Variants in SLC25A41 observed in about 807,000 individuals in gnomAD.
SLC25A41 encodes the protein mitochondrial carrier protein SCaMC-3L.
A neutral mutation model predicts 34.7 loss-of-function variants in SLC25A41; 35 were observed. That is an observed-to-expected ratio of 1.01 (90% CI 0.77 to 1.34). The LOEUF is 1.34. SLC25A41 is among the 40% of genes most tolerant of loss of function. The pLI, the probability that SLC25A41 is intolerant of heterozygous loss-of-function variation, is 0.00. For missense variants in SLC25A41, 492 were observed against 489.8 expected, an observed-to-expected ratio of 1.00 and a Z score of -0.04; for synonymous variants, 190 against 209.9, an observed-to-expected ratio of 0.91 and a Z score of 0.82.
In SLC25A41 at chr19:6,427,526, G is replaced by GA; in HGVS notation, c.625-26_625-25insT. On this transcript the variant is annotated intron_variant, in intron 4 of 6. Transcript: ENST00000321510. This position sits in a 1 kb window ranked among gnomAD's most constrained non-coding sequence, Gnocchi z 4.9. ...CCTGAGGATGGCGGGGAACAAGGCA[G>GA]CTCATTTGATTGAATCCTGTCAATG... 2 of 1,476,776 alleles carry GA rather than the reference G, an allele frequency of 1.4e-6. No homozygotes were observed. The highest frequency in any genetic ancestry group is 2.7e-5 in the South Asian group (2 of 73,104). 91.5% of individuals were successfully genotyped at this position (1,476,776 alleles called of 1,614,324 possible). A position where few individuals can be genotyped will look rare whatever the true frequency, so the allele number is the denominator to read the frequency against.
intron 4 of SLC25A41, among the ~76,000 whole-genome samples, chr19:6,428,458 G>A (rs1293979658): frequency 6.8e-6 from 1 of 146,608 alleles, no homozygotes; most frequent in Non-Finnish European, 1.5e-5. Flanking sequence ...CCACAGATGA[G>A]AAATGAAAAT....
rs369272526 is a variant in SLC25A41 at position 6,433,496 on chromosome 19, C to T, written c.198G>A (p.Pro66=). The T allele has an allele frequency of 7.2e-5, 115 of 1,606,894 alleles. No individual in the cohort carries two copies. Among genetic ancestry groups the T allele is most frequent in the South Asian group, 5.2e-4 (47 of 90,924 alleles). The part of the protein sequence containing the change: ...HMHDNNLEHL[P]SQQVLDTGEQ... ...TGTTTCCTAAACTCACCTGCTGTGACGGGAGATGTTCAAGGTTGTTGTCAT... is the reference window on the plus strand; with the variant it reads ...TGTTTCCTAAACTCACCTGCTGTGATGGGAGATGTTCAAGGTTGTTGTCAT... The change falls in exon 1 of 7, where the codon CCG becomes CCA. Residue 66 remains proline (P), a synonymous_variant. Transcript: ENST00000321510.
Position 6,426,218 on chromosome 19 carries a change from C to A in SLC25A41, c.*171G>T. 1 of 629,518 alleles carries A rather than the reference C, an allele frequency of 1.6e-6. No individual in the cohort carries two copies. The highest frequency in any genetic ancestry group is 1.9e-5 in the African/African-American group (1 of 53,826). The allele number at this position is 629,518 out of a possible 1,614,324, so 39.0% of individuals were successfully genotyped here. On this transcript the variant is annotated 3_prime_UTR_variant, in exon 7 of 7. Coordinates refer to ENST00000321510, the MANE Select transcript of SLC25A41 (RefSeq NM_173637.4). ...TGCCCCCCTCCACCCACCACCAACC[C>A]CAGCTTCAGGAATCTTCTGACCCAG...
In SLC25A41 at chr19:6,426,298, G is replaced by A; in HGVS notation, c.*91C>T. ...GCCACCAAAAACTGCCCCAGGGCCT[G>A]AACCTTGAGGCCTCGAGGGCTCTTT... On this transcript the variant is annotated 3_prime_UTR_variant, in exon 7 of 7. Transcript: ENST00000321510. 8.6e-7 allele frequency: 1 copy of A among 1,161,970 alleles called. No homozygotes were observed. The highest frequency in any genetic ancestry group is 1.1e-6 in the Non-Finnish European group (1 of 877,348). The allele number at this position is 1,161,970 out of a possible 1,614,324, so 72.0% of individuals were successfully genotyped here. A position where few individuals can be genotyped will look rare whatever the true frequency, so the allele number is the denominator to read the frequency against.
At chr19:6,431,544 A>G (rs2092285570) in intron 2 of SLC25A41, among the ~76,000 whole-genome samples, 1 of 151,784 alleles carries the variant, frequency 6.6e-6, no homozygotes, top group Admixed American at 6.6e-5. Context: ...GGTTCAAGCA[A>G]TTCTCCTGCC....
At chr19:6,430,431 T>G (rs1259636544) in intron 2 of SLC25A41, 1 of 544,074 alleles carries the variant, frequency 1.8e-6, no homozygotes, top group Non-Finnish European at 3.3e-6. Context: ...CTTCCATCCT[T>G]TCCTTTCTTT....
At chr19:6,428,737 G>A (rs528151747) in intron 4 of SLC25A41, among the ~76,000 whole-genome samples, 2 of 142,280 alleles carry the variant, frequency 1.4e-5, no homozygotes, top group South Asian at 2.2e-4. Context: ...TTTGAGACAG[G>A]GTCTCCCTCT....
At chr19:6,432,331 G>A (rs1454622039) in intron 1 of SLC25A41, 127 bp from the exon 2 acceptor site, 13 of 985,480 alleles carry the variant, frequency 1.3e-5, no homozygotes, top group Middle Eastern at 2.5e-4. Context: ...TTTTTTTTTC[G>A]AGACGGAGTC....
Position 6,432,175 on chromosome 19 carries a change from G to A in SLC25A41, c.237C>T (p.Val79=), listed in dbSNP as rs1423048282. The A allele has an allele frequency of 6.2e-7, 1 of 1,613,814 alleles. No homozygotes were observed. The highest frequency in any genetic ancestry group is 1.7e-5 in the Admixed American group (1 of 59,988). The stretch of plus-strand genomic sequence containing the variant: ...TATCCACTTCCAGGACTTCCACGGG[G>A]ACCATCAGCTGCTCTCCTGTGTCCA... The part of the protein sequence containing the change: ...QVLDTGEQLM[V]PVEVLEVDNK... Residue 79 remains valine, a synonymous_variant, in exon 2 of 7, where the codon GTC becomes GTT. Coordinates refer to ENST00000321510, the MANE Select transcript of SLC25A41 (RefSeq NM_173637.4).
chr19:6,435,649 G>C (rs557660378), upstream of SLC25A41, among the ~76,000 whole-genome samples: 1 of 152,270 alleles, frequency 6.6e-6, no homozygotes, highest in African/African-American at 2.4e-5. Flanking sequence ...TTGAGTCCAG[G>C]AGTTCAAGAC....
Position 6,427,338 on chromosome 19 carries a change from T to C in SLC25A41, c.788A>G (p.Tyr263Cys). Reference protein sequence around the residue: ...IPYACTDLAVYEMLQCFWVKS... With the variant: ...IPYACTDLAVCEMLQCFWVKS... ...CCCCCTCTGCAGGACCCATACCTCA[T>C]AGACAGCCAGGTCGGTGCAGGCATA... The change falls in exon 5 of 7, where the codon TAT becomes TGT. Residue 263 changes from tyrosine (Y) to cysteine (C), a missense_variant. Physicochemically the swap from Tyr to Cys is radical, Grantham distance 194 (BLOSUM62 -2). Transcript: ENST00000321510. This position sits in a 1 kb window ranked among gnomAD's most constrained non-coding sequence, Gnocchi z 4.9. The C allele has an allele frequency of 6.2e-7, 1 of 1,606,150 alleles. No individual in the cohort carries two copies. The highest frequency in any genetic ancestry group is 1.1e-5 in the South Asian group (1 of 90,596).
chr19:6,433,198 A>AC (rs1398069635), intron 1 of SLC25A41, among the ~76,000 whole-genome samples: 1 of 151,770 alleles, frequency 6.6e-6, no homozygotes, highest in Non-Finnish European at 1.5e-5. Flanking sequence ...ACAGGCGCCA[A>AC]CCACCATGCC....
chr19:6,429,410 G>GTGA (rs2092271524), intron 4 of SLC25A41, among the ~76,000 whole-genome samples: 1 of 46,138 alleles, frequency 2.2e-5, no homozygotes. Flanking sequence ...GAGAAAGGAA[G>GTGA]AGGGGAGGAG....
At chr19:6,430,483 C>T in intron 2 of SLC25A41, 1 of 480,868 alleles carries the variant, frequency 2.1e-6, no homozygotes, top group Non-Finnish European at 3.8e-6. Context: ...CTCCGTTCCT[C>T]CCTTCCTTCT....
At position 6,426,459 on chromosome 19, in the gene SLC25A41, A is replaced by T. The variant is rs756163354; in HGVS notation, c.1043T>A (p.Leu348Gln). Residue 348 changes from leucine (L) to glutamine (Q), a missense_variant, in exon 7 of 7, where the codon CTG becomes CAG. Coordinates refer to ENST00000321510, the MANE Select transcript of SLC25A41 (RefSeq NM_173637.4). ...GATGCCACCTGCTGGTAAGACCTTCAGTAGCGTGGGGGTCATGCCTCGGTA... is the reference window on the plus strand; with the variant it reads ...GATGCCACCTGCTGGTAAGACCTTCTGTAGCGTGGGGGTCATGCCTCGGTA... The part of the protein sequence containing the change: ...GLYRGMTPTL[L>Q]KVLPAGGISY... 1 of 1,613,632 alleles carries T rather than the reference A, an allele frequency of 6.2e-7. No individual in the cohort carries two copies. Among genetic ancestry groups the T allele is most frequent in the African/African-American group, 1.3e-5 (1 of 74,912 alleles).
Position 6,432,183 on chromosome 19 carries a change from G to A in SLC25A41, c.229C>T (p.Leu77=). 1 of 1,613,784 alleles carries A rather than the reference G, an allele frequency of 6.2e-7. No homozygotes were observed. The highest frequency in any genetic ancestry group is 1.1e-5 in the South Asian group (1 of 91,084). ...SQQVLDTGEQ[L]MVPVEVLEVD... is the part of the protein sequence containing the mutation. ...TCCAGGACTTCCACGGGGACCATCA[G>A]CTGCTCTCCTGTGTCCAGTACCTGC... The change falls in exon 2 of 7, where the codon CTG becomes TTG. Residue 77 remains leucine, a synonymous_variant. Coordinates refer to ENST00000321510, the MANE Select transcript of SLC25A41 (RefSeq NM_173637.4).
chr19:6,435,933 A>G (rs1234252018), upstream of SLC25A41: 1 of 155,008 alleles, frequency 6.5e-6, no homozygotes, highest in Non-Finnish European at 1.4e-5. Context: ...AGATGGGAGC[A>G]TCACCTGAGC....
Position 6,433,504 on chromosome 19 carries a change from G to T in SLC25A41, c.190C>A (p.His64Asn). 3.1e-6 allele frequency: 5 copies of T among 1,608,746 alleles called. No homozygotes were observed. Among genetic ancestry groups the T allele is most frequent in the Non-Finnish European group, 4.2e-6 (5 of 1,177,806 alleles). Reference protein sequence around the residue: ...FGHMHDNNLEHLPSQQVLDTG... With the variant: ...FGHMHDNNLENLPSQQVLDTG... ...AAACTCACCTGCTGTGACGGGAGAT[G>T]TTCAAGGTTGTTGTCATGCATGTGG... The change falls in exon 1 of 7, where the codon CAT (histidine) becomes AAT (asparagine). Residue 64 changes from histidine (H) to asparagine (N), a missense_variant. Coordinates refer to ENST00000321510, the MANE Select transcript of SLC25A41 (RefSeq NM_173637.4).
chr19:6,436,180 C>T (rs1141221), upstream of SLC25A41: 132,125 of 258,064 alleles, frequency 0.51, 35,502 homozygotes, highest in East Asian at 0.69. Context: ...TATCATCTCA[C>T]CCATATTCTG....
Sources: allele counts gnomAD v4.1 joint callset (sites outside exome capture counted in the v4.1 genomes callset), GRCh38; gene constraint gnomAD v4.1.1; non-coding constraint Gnocchi (gnomAD v3.1); transcripts MANE v1.5; gene names NCBI Gene and HGNC (gene_info 2026-07-23, HGNC 2026-07-21).